Variants in FNTB observed in about 807,000 individuals in gnomAD.
FNTB encodes the protein farnesyltransferase, CAAX box, subunit beta.
Under a neutral mutation model 59.4 loss-of-function variants are expected in FNTB, and 27 were observed. That is an observed-to-expected ratio of 0.45 (90% CI 0.34 to 0.63). The LOEUF (loss-of-function observed/expected upper bound fraction) is 0.63, where lower values mean the gene tolerates loss of function less well. Ranked by LOEUF, FNTB falls within the 20% of genes least tolerant of loss-of-function variation. The pLI is 0.02. For missense variants in FNTB, 449 were observed against 559.6 expected (o/e 0.80, Z 1.99); for synonymous variants, 230 against 220.7 (o/e 1.04, Z -0.37).
chr14:65,008,041 T>C (rs1222639077), intron 2 of FNTB, among the ~76,000 whole-genome samples: 1 of 152,202 alleles, frequency 6.6e-6, no homozygotes. Flanking sequence ...TGATACAATT[T>C]TAGAATTTCC....
At chr14:65,049,960 C>T (rs1416708507) in intron 9 of FNTB, among the ~76,000 whole-genome samples, 2 of 151,712 alleles carry the variant, frequency 1.3e-5, no homozygotes, top group East Asian at 3.9e-4. Flanking sequence ...AGTATGATTA[C>T]AATATTAAGT....
chr14:65,041,034 T>A, intron 8 of FNTB, 115 bp downstream of exon 8: 2 of 1,485,904 alleles, frequency 1.3e-6, no homozygotes, highest in Non-Finnish European at 9.1e-7. Flanking sequence ...GAGAGTTAGC[T>A]CTGTTCCAAC....
At chr14:65,018,518 A>G (rs2061822400) in intron 4 of FNTB, among the ~76,000 whole-genome samples, 1 of 152,198 alleles carries the variant, frequency 6.6e-6, no homozygotes, top group South Asian at 2.1e-4. Flanking sequence ...GTGATTTTAT[A>G]AACTTTCTGG....
chr14:65,023,838 C>T lies in FNTB; in HGVS notation c.375-3615C>T, dbSNP rs953463826. Reference sequence around the variant, plus strand: ...ACTCTCAGCCGGGCATGGTGGCTCACGCCTGTAATCCTAGCACTTTGGGAG... The same window carrying T: ...ACTCTCAGCCGGGCATGGTGGCTCATGCCTGTAATCCTAGCACTTTGGGAG... On this transcript the variant is annotated intron_variant, in intron 4 of 11. Transcript: ENST00000246166. This position sits in a 1 kb window ranked among gnomAD's most constrained non-coding sequence, Gnocchi z 4.1. Among the ~76,000 whole-genome samples the T allele has an allele frequency of 6.6e-6, 1 of 152,090 alleles. No homozygotes were observed. The highest frequency in any genetic ancestry group is 2.1e-4 in the South Asian group (1 of 4,810).
chr14:65,019,881 GA>G (rs1296957310), intron 4 of FNTB, among the ~76,000 whole-genome samples: 1 of 152,298 alleles, frequency 6.6e-6, no homozygotes, highest in East Asian at 1.9e-4. Context: ...ATAAATAGAA[GA>G]TTTTTTTTAG....
intron 1 of FNTB, among the ~76,000 whole-genome samples, chr14:64,992,778 G>A (rs776350379): frequency 2.6e-5 from 4 of 151,902 alleles, no homozygotes; most frequent in Non-Finnish European, 5.9e-5. Context: ...TTTTTGCAGT[G>A]TTTCCAGTTG....
chr14:65,051,942 C>A (rs1048137335), intron 9 of FNTB, among the ~76,000 whole-genome samples: 1 of 151,692 alleles, frequency 6.6e-6, no homozygotes, highest in African/African-American at 2.4e-5. Context: ...CTACAGGCGC[C>A]CACCACCATG....
intron 7 of FNTB, among the ~76,000 whole-genome samples, chr14:65,039,884 A>G (rs2062306414): frequency 6.6e-6 from 1 of 152,182 alleles, no homozygotes; most frequent in African/African-American, 2.4e-5. Context: ...TTACTAGTAG[A>G]CCTGTACTCA....
chr14:65,041,762 T>A (rs1595077989), intron 8 of FNTB, among the ~76,000 whole-genome samples: 1 of 152,160 alleles, frequency 6.6e-6, no homozygotes, highest in East Asian at 1.9e-4. Flanking sequence ...CATGAAGGCT[T>A]GAAGGCTCAT....
At position 65,032,659 on chromosome 14, in the gene FNTB, C is replaced by G; in HGVS notation, c.655C>G (p.Pro219Ala). 6.2e-7 allele frequency: 1 copy of G among 1,613,980 alleles called. No individual in the cohort carries two copies. The highest frequency in any genetic ancestry group is 8.5e-7 in the Non-Finnish European group (1 of 1,180,018). Residue 219 changes from proline (P) to alanine (A), a missense_variant, in exon 7 of 12, where the codon CCA becomes GCA. This residue lies in a region of FNTB where 337 missense variants were observed against 479.1 expected (regional missense o/e 0.70). Transcript: ENST00000246166. This position sits in a 1 kb window ranked among gnomAD's most constrained non-coding sequence, Gnocchi z 5.0. ...SVASLTNIIT[P>A]DLFEGTAEWI... ...AGCCTCGCTGACCAACATCATCACTCCAGACCTCTTTGAGGGCACTGCTGA... is the reference window on the plus strand; with the variant it reads ...AGCCTCGCTGACCAACATCATCACTGCAGACCTCTTTGAGGGCACTGCTGA...
chr14:65,048,165 TAG>T (rs1314932225), intron 9 of FNTB, among the ~76,000 whole-genome samples: 3 of 151,762 alleles, frequency 2.0e-5, no homozygotes, highest in Non-Finnish European at 4.4e-5. Context: ...CTATTTTTAG[TAG>T]AGACAGGATA....
intron 3 of FNTB, among the ~76,000 whole-genome samples, chr14:65,013,654 T>C (rs1254080664): frequency 6.6e-6 from 1 of 152,178 alleles, no homozygotes; most frequent in South Asian, 2.1e-4. Context: ...TTCAAGCGAT[T>C]CTCTTGCCTC....
In FNTB at chr14:65,011,970, T is replaced by C. The variant is rs1324187238; in HGVS notation, c.210-347T>C. On this transcript the variant is annotated intron_variant, in intron 2 of 11. Coordinates refer to ENST00000246166, the MANE Select transcript of FNTB (RefSeq NM_002028.4). The surrounding 1 kb of genome is among the most constrained non-coding windows in gnomAD (Gnocchi z 4.0). ...TATAGGATGGGGAGGCACAAAGATATCTGTTCTTAGATGCTGGAGGAAGTT... is the reference window on the plus strand; with the variant it reads ...TATAGGATGGGGAGGCACAAAGATACCTGTTCTTAGATGCTGGAGGAAGTT... Among the ~76,000 whole-genome samples the C allele has an allele frequency of 1.3e-5, 2 of 152,048 alleles. No individual in the cohort carries two copies. The highest frequency in any genetic ancestry group is 2.4e-5 in the African/African-American group (1 of 41,386).
intron 7 of FNTB, among the ~76,000 whole-genome samples, chr14:65,036,328 C>A (rs2062192885): frequency 6.6e-6 from 1 of 151,972 alleles, no homozygotes; most frequent in South Asian, 2.1e-4. Context: ...CCTTGACCTC[C>A]TGGGTTCAAG....
intron 9 of FNTB, among the ~76,000 whole-genome samples, chr14:65,048,158 T>C (rs2062526382): frequency 6.6e-6 from 1 of 151,860 alleles, no homozygotes; most frequent in Non-Finnish European, 1.5e-5. Flanking sequence ...ATGTTTTCTA[T>C]TTTTAGTAGA....
chr14:65,041,739 C>CT (rs1302180941), intron 8 of FNTB, among the ~76,000 whole-genome samples: 1 of 152,116 alleles, frequency 6.6e-6, no homozygotes, highest in Non-Finnish European at 1.5e-5. Flanking sequence ...CCGGTGTAGT[C>CT]TTTTTAAAGA....
chr14:65,008,432 TGGGCCTGCCCCTGCTGGGCTCTTGGTC>T (rs2061629361), intron 2 of FNTB, among the ~76,000 whole-genome samples: 1 of 152,230 alleles, frequency 6.6e-6, no homozygotes. Context: ...AGGCTAGCCC[TGGGCCTGCCCCTGCTGGGCTCTTGGTC>T]TAGTGGGGGA....
chr14:65,051,955 C>T (rs996248162), intron 9 of FNTB, among the ~76,000 whole-genome samples: 5 of 151,776 alleles, frequency 3.3e-5, no homozygotes, highest in African/African-American at 7.3e-5. Flanking sequence ...CCACCATGTC[C>T]GGCTAATTTT....
chr14:65,004,766 G>T (rs186699659), intron 2 of FNTB, among the ~76,000 whole-genome samples: 1 of 152,108 alleles, frequency 6.6e-6, no homozygotes, highest in East Asian at 1.9e-4. Context: ...AGGTTCAAGT[G>T]ATTCTCCTGC....
Sources: gnomAD v4.1 joint callset for allele counts (sites outside exome capture counted in the v4.1 genomes callset) on GRCh38, gnomAD v4.1.1 for gene constraint, gnomAD v4.1.1 regional missense constraint, Gnocchi (gnomAD v3.1) non-coding constraint, MANE v1.5 for transcripts, NCBI Gene and HGNC (gene_info 2026-07-23, HGNC 2026-07-21) for gene names.